Variants in PXDNL observed in about 807,000 individuals in gnomAD.
The protein encoded by PXDNL is peroxidasin like, also known as probable oxidoreductase PXDNL.
In PXDNL, 145 loss-of-function variants were observed where a neutral mutation model predicts 150.8. The observed-to-expected ratio is 0.96, with a 90% CI of 0.84 to 1.10. The LOEUF is 1.10. PXDNL is among the 50% of genes least tolerant of loss of function. PXDNL has a pLI of 0.00. For missense variants in PXDNL, 2,087 were observed against 1,873.9 expected (o/e 1.11, Z -2.10); for synonymous variants, 757 against 725.7 (o/e 1.04, Z -0.69).
At chr8:51,350,353 T>TA (rs1563369086) in intron 19 of PXDNL, among the ~76,000 whole-genome samples, 1 of 111,978 alleles carries the variant, frequency 8.9e-6, no homozygotes, top group African/African-American at 3.3e-5. Flanking sequence ...AAATGCAGCT[T>TA]CTTTTTTTTT....
chr8:51,592,215 T>A (rs1167929185), intron 3 of PXDNL, among the ~76,000 whole-genome samples: 1 of 152,242 alleles, frequency 6.6e-6, no homozygotes, highest in East Asian at 1.9e-4. Context: ...CCTAACTAAC[T>A]GTAATGTGTT....
intron 3 of PXDNL, among the ~76,000 whole-genome samples, chr8:51,568,035 T>C (rs1425382420): frequency 6.6e-6 from 1 of 151,900 alleles, no homozygotes; most frequent in Non-Finnish European, 1.5e-5. Flanking sequence ...TGACTGTATT[T>C]CCAATTTCTT....
rs555940197 is a variant in PXDNL, at chr8:51,358,100, T to C, written c.3902-12153A>G. On this transcript the variant is annotated intron_variant, in intron 19 of 22. Coordinates refer to ENST00000356297, the MANE Select transcript of PXDNL (RefSeq NM_144651.5). Reference sequence around the variant, plus strand: ...AAAGGAGAATTAGAATTATCCCACGTTTCTCCACAAGGAGAAAAATGACCA... The same window carrying C: ...AAAGGAGAATTAGAATTATCCCACGCTTCTCCACAAGGAGAAAAATGACCA... Among the ~76,000 whole-genome samples the C allele has an allele frequency of 9.2e-5, 14 of 152,282 alleles. No homozygotes were observed. The East Asian group carries it at 2.5e-3, about 27-fold the overall frequency.
At chr8:51,367,997 G>A (rs190164020) in intron 19 of PXDNL, among the ~76,000 whole-genome samples, 6 of 152,176 alleles carry the variant, frequency 3.9e-5, no homozygotes, top group East Asian at 1.9e-4. Flanking sequence ...GTCTGATGGC[G>A]CAGGCCTGTA....
At chr8:51,447,943 T>G (rs1181330346) in intron 11 of PXDNL, among the ~76,000 whole-genome samples, 1 of 152,158 alleles carries the variant, frequency 6.6e-6, no homozygotes, top group Non-Finnish European at 1.5e-5. Flanking sequence ...ACAAAGACTC[T>G]GGCAAACAGC....
chr8:51,407,978 G>A (rs2130883981), intron 17 of PXDNL, 89 bp downstream of exon 17: 2 of 1,183,188 alleles, frequency 1.7e-6, no homozygotes, highest in Middle Eastern at 2.9e-4. Context: ...GCACCCCCAG[G>A]GAACCAAATT....
chr8:51,322,387 G>A (rs572498420), intron 21 of PXDNL, among the ~76,000 whole-genome samples: 7 of 152,220 alleles, frequency 4.6e-5, no homozygotes, highest in Non-Finnish European at 7.4e-5. Context: ...TTTCAGAAAT[G>A]TACATTTCTC....
At chr8:51,452,933 CAA>C (rs1395737069) in intron 10 of PXDNL, among the ~76,000 whole-genome samples, 1 of 131,530 alleles carries the variant, frequency 7.6e-6, no homozygotes, top group Non-Finnish European at 1.6e-5. Flanking sequence ...CGCACACACA[CAA>C]ACACACACAC....
rs1017480085 is a variant in PXDNL at position 51,429,013 on chromosome 8, G to C, written c.1526-2255C>G. 3.3e-4 allele frequency among the ~76,000 whole-genome samples: 6 copies of C among 18,388 alleles called. No individual in the cohort carries two copies. The Admixed American group carries it at 5.6e-3, about 17-fold the overall frequency. 12.1% of individuals were successfully genotyped at this position (18,388 alleles called of 152,430 possible). ...ACAGTAAAATACCAAACACTTCAGA[G>C]AATGGGCAAAAGGCATGACATTGTA... On this transcript the variant is annotated intron_variant, in intron 12 of 22. Coordinates refer to ENST00000356297, the MANE Select transcript of PXDNL (RefSeq NM_144651.5).
chr8:51,492,814 C>T (rs888313498), intron 5 of PXDNL, among the ~76,000 whole-genome samples: 7 of 152,200 alleles, frequency 4.6e-5, no homozygotes, highest in Admixed American at 6.5e-5. Context: ...CCCACCGCAG[C>T]GTAAGGAGGC....
intron 4 of PXDNL, among the ~76,000 whole-genome samples, chr8:51,522,356 G>A (rs561195853): frequency 6.6e-6 from 1 of 152,282 alleles, no homozygotes; most frequent in Non-Finnish European, 1.5e-5. Context: ...TGTGGAATGA[G>A]TTATGAAATG....
rs551376924 is a variant in PXDNL, at chr8:51,796,342, A to C, written c.164+12839T>G. 1.2e-3 allele frequency among the ~76,000 whole-genome samples: 183 copies of C among 151,458 alleles called. 1 individual carries two copies. The highest frequency in any genetic ancestry group is 2.3e-3 in the South Asian group (11 of 4,802). On this transcript the variant is annotated intron_variant, in intron 1 of 22. Coordinates refer to ENST00000356297, the MANE Select transcript of PXDNL (RefSeq NM_144651.5). The stretch of plus-strand genomic sequence containing the variant: ...AGATAGAGACACACACAACAACAAC[A>C]ACCAAAAAAAAAAAAACCTTCAAAA...
chr8:51,686,106 G>A (rs1815866252), intron 1 of PXDNL, among the ~76,000 whole-genome samples: 1 of 152,176 alleles, frequency 6.6e-6, no homozygotes, highest in Non-Finnish European at 1.5e-5. Flanking sequence ...TGAGCCATAG[G>A]GAAGTATGTG....
At chr8:51,708,884 T>A (rs1563514082) in intron 1 of PXDNL, among the ~76,000 whole-genome samples, 1 of 152,116 alleles carries the variant, frequency 6.6e-6, no homozygotes, top group African/African-American at 2.4e-5. Flanking sequence ...GTTATAAATC[T>A]GGGAGTTACT....
chr8:51,518,154 G>A (rs922871681), intron 4 of PXDNL, among the ~76,000 whole-genome samples: 1 of 152,246 alleles, frequency 6.6e-6, no homozygotes, highest in South Asian at 2.1e-4. Context: ...CAAATAAAAA[G>A]GAAATGGCTA....
At chr8:51,505,735 T>C (rs917120646) in intron 4 of PXDNL, among the ~76,000 whole-genome samples, 1 of 152,188 alleles carries the variant, frequency 6.6e-6, no homozygotes, top group East Asian at 1.9e-4. Context: ...GAATATAAGA[T>C]GTCAACAATC....
At chr8:51,501,981 T>C (rs1367112314) in intron 4 of PXDNL, among the ~76,000 whole-genome samples, 1 of 152,226 alleles carries the variant, frequency 6.6e-6, no homozygotes, top group African/African-American at 2.4e-5. Flanking sequence ...CTGTGTATAC[T>C]GGACAGGCCC....
intron 4 of PXDNL, among the ~76,000 whole-genome samples, chr8:51,526,288 GCT>G (rs1374282670): frequency 4.6e-5 from 7 of 152,232 alleles, no homozygotes; most frequent in East Asian, 1.9e-4. Flanking sequence ...AACAGAAACA[GCT>G]CTGTTTCAGA....
At chr8:51,631,764 A>G (rs1814492101) in intron 2 of PXDNL, among the ~76,000 whole-genome samples, 1 of 152,218 alleles carries the variant, frequency 6.6e-6, no homozygotes, top group Non-Finnish European at 1.5e-5. Context: ...AATATGTAAT[A>G]GTAACAACAT....
Sources: gnomAD v4.1 joint callset for allele counts (sites outside exome capture counted in the v4.1 genomes callset) on GRCh38, gnomAD v4.1.1 for gene constraint, MANE v1.5 for transcripts, NCBI Gene and HGNC (gene_info 2026-07-23, HGNC 2026-07-21) for gene names.